Variants in USH2A observed in about 807,000 individuals in gnomAD.
USH2A encodes the protein usherin.
USH2A carries 443 observed loss-of-function variants against 538.9 expected under a neutral mutation model. The ratio of observed to expected loss-of-function variants is 0.82; its 90% confidence interval spans 0.76 to 0.89. The LOEUF (loss-of-function observed/expected upper bound fraction) is 0.89, where lower values mean the gene tolerates loss of function less well. Among genes scored for constraint, USH2A ranks in the 40% least tolerant of loss-of-function variants. USH2A has a pLI of 0.00. For synonymous variants in USH2A, 2,413 were observed against 2,273.5 expected (o/e 1.06, Z -1.75); for missense variants, 6,633 against 6,324.8 (o/e 1.05, Z -1.65).
chr1:216,154,309 G>C (rs2033897866), intron 21 of USH2A, among the ~76,000 whole-genome samples: 1 of 152,118 alleles, frequency 6.6e-6, no homozygotes, highest in African/African-American at 2.4e-5. Flanking sequence ...ATGACAAACA[G>C]TATATACCAA....
intron 3 of USH2A, among the ~76,000 whole-genome samples, chr1:216,384,364 A>T (rs955186004): frequency 6.6e-6 from 1 of 152,068 alleles, no homozygotes. Context: ...GTAAGGTAAG[A>T]TAAGTACGAG....
In USH2A at chr1:215,934,638, T is replaced by C; in HGVS notation, c.7278A>G (p.Ile2426Met). 1 of 1,612,354 alleles carries C rather than the reference T, an allele frequency of 6.2e-7. No individual in the cohort carries two copies. Among genetic ancestry groups the C allele is most frequent in the Non-Finnish European group, 8.5e-7 (1 of 1,178,810 alleles). Residue 2426 changes from isoleucine to methionine, a missense_variant, in exon 38 of 72, where the codon ATA becomes ATG. Physicochemically the swap from Ile to Met is conservative, Grantham distance 10. Coordinates refer to ENST00000307340, the MANE Select transcript of USH2A (RefSeq NM_206933.4). ...TACCTCCTGGAGGCATTGCAATTGTTATAGGATCAGTTATCAAGCTGCCTT... is the reference window on the plus strand; with the variant it reads ...TACCTCCTGGAGGCATTGCAATTGTCATAGGATCAGTTATCAAGCTGCCTT... Reference protein sequence around the residue: ...NSQGSLITDPITIAMPPGAPD... With the variant: ...NSQGSLITDPMTIAMPPGAPD...
chr1:216,141,155 G>A (rs182962397), intron 21 of USH2A, among the ~76,000 whole-genome samples: 4 of 152,254 alleles, frequency 2.6e-5, no homozygotes, highest in Admixed American at 2.6e-4. Flanking sequence ...AGTAAGACAT[G>A]GAGTATATTA....
At chr1:215,883,793 G>A (rs1336853490) in intron 41 of USH2A, among the ~76,000 whole-genome samples, 2 of 151,906 alleles carry the variant, frequency 1.3e-5, no homozygotes, top group African/African-American at 4.8e-5. Context: ...ATAACTCAAT[G>A]GCTTTAAAGT....
chr1:215,726,666 G>T (rs1304800224), intron 61 of USH2A, among the ~76,000 whole-genome samples: 1 of 151,968 alleles, frequency 6.6e-6, no homozygotes, highest in African/African-American at 2.4e-5. Flanking sequence ...CTGTTTATTT[G>T]TTCTTATTGA....
intron 51 of USH2A, among the ~76,000 whole-genome samples, chr1:215,787,637 C>A (rs1661839184): frequency 6.6e-6 from 1 of 152,068 alleles, no homozygotes; most frequent in Admixed American, 6.6e-5. Flanking sequence ...ACATAAGTAG[C>A]ATAATGTATT....
Position 215,653,225 on chromosome 1 carries a change from T to C in USH2A, c.14134-2424A>G, listed in dbSNP as rs537763098. Reference sequence around the variant, plus strand: ...TAGGTGGAGTTCTAGTTCCAAAATGTGATTTAATCCCTGGATTTTAAAAAC... The same window carrying C: ...TAGGTGGAGTTCTAGTTCCAAAATGCGATTTAATCCCTGGATTTTAAAAAC... On this transcript the variant is annotated intron_variant, in intron 64 of 71. Coordinates refer to ENST00000307340, the MANE Select transcript of USH2A (RefSeq NM_206933.4). Among the ~76,000 whole-genome samples, 5 of 152,312 alleles carry C rather than the reference T, an allele frequency of 3.3e-5. No individual in the cohort carries two copies. In the South Asian group the frequency reaches 6.2e-4, roughly 19 times the overall value.
intron 37 of USH2A, among the ~76,000 whole-genome samples, chr1:215,964,578 A>G (rs1161130471): frequency 2.0e-5 from 3 of 152,178 alleles, no homozygotes; most frequent in Non-Finnish European, 2.9e-5. Context: ...ACGATATTGC[A>G]TATTTGCTAC....
rs192487787 is a variant in USH2A, at chr1:215,723,606, T to C, written c.12066+4424A>G. On this transcript the variant is annotated intron_variant, in intron 61 of 71. Transcript: ENST00000307340. ...GAGTTTGTGGACTGAACTGCAATCC[T>C]ACAGTTGTGGGGATGGACTCTGTGC... 3.9e-5 allele frequency among the ~76,000 whole-genome samples: 6 copies of C among 152,358 alleles called. No homozygotes were observed. In the East Asian group the frequency reaches 5.8e-4, roughly 15 times the overall value.
At chr1:215,836,157 G>A (rs989047788) in intron 47 of USH2A, among the ~76,000 whole-genome samples, 9 of 151,920 alleles carry the variant, frequency 5.9e-5, no homozygotes, top group Admixed American at 5.9e-4. Context: ...GAGTCATGGG[G>A]ATGCCAGCAG....
rs115491080 is a variant in USH2A, at chr1:215,928,456, G to A, written c.7300+6160C>T. 9.8e-3 allele frequency among the ~76,000 whole-genome samples: 1,491 copies of A among 152,074 alleles called. 19 individuals are homozygous for A. The highest frequency in any genetic ancestry group is 0.035 in the African/African-American group (1,439 of 41,484). On this transcript the variant is annotated intron_variant, in intron 38 of 71. Coordinates refer to ENST00000307340, the MANE Select transcript of USH2A (RefSeq NM_206933.4). ...AATTTAAAAGAAAAATTATGTATCT[G>A]TAATACTTGCATGTATGTGTTTGTA...
At chr1:215,962,749 G>C (rs548932051) in intron 37 of USH2A, among the ~76,000 whole-genome samples, 7 of 151,886 alleles carry the variant, frequency 4.6e-5, no homozygotes, top group African/African-American at 1.7e-4. Flanking sequence ...TGCAGAACAG[G>C]CTTGGTACTT....
chr1:215,675,007 T>C lies in USH2A; in HGVS notation c.12904A>G (p.Arg4302Gly), dbSNP rs1437342089. The change falls in exon 63 of 72, where the codon AGG (arginine) becomes GGG (glycine). Residue 4302 changes from arginine to glycine, a missense_variant. By Grantham distance (125) the Arg-to-Gly change is moderately radical (BLOSUM62 -2). Transcript: ENST00000307340. ...NGIIQSYRLQ[R>G]NEMLYPFSFD... ...CTAAAAGGATAGAGCATTTCATTCC[T>C]TTGAAGCCTATAGGACTGGATAATA... is the stretch of plus-strand genomic sequence containing the variant. The C allele has an allele frequency of 1.2e-6, 2 of 1,614,090 alleles. No individual in the cohort carries two copies. The highest frequency in any genetic ancestry group is 1.7e-6 in the Non-Finnish European group (2 of 1,180,044).
intron 2 of USH2A, among the ~76,000 whole-genome samples, chr1:216,419,623 G>A (rs970859165): frequency 6.6e-6 from 1 of 151,962 alleles, no homozygotes; most frequent in Non-Finnish European, 1.5e-5. Flanking sequence ...TCATCCATCT[G>A]TACACTCCAT....
chr1:215,761,681 A>G (rs1485713771), intron 56 of USH2A, among the ~76,000 whole-genome samples: 2 of 152,206 alleles, frequency 1.3e-5, no homozygotes, highest in African/African-American at 4.8e-5. Context: ...AGGAGTTTAT[A>G]CTTCTGTCTA....
intron 32 of USH2A, among the ~76,000 whole-genome samples, chr1:216,045,964 T>G (rs1571913409): frequency 6.6e-6 from 1 of 151,436 alleles, no homozygotes; most frequent in East Asian, 1.9e-4. Flanking sequence ...GCAACCCAAT[T>G]TCAAAAACAC....
chr1:216,294,654 G>A (rs971478540), intron 9 of USH2A, among the ~76,000 whole-genome samples: 1 of 151,230 alleles, frequency 6.6e-6, no homozygotes, highest in African/African-American at 2.4e-5. Flanking sequence ...TGTTAAATAT[G>A]GTCAAATTCC....
intron 13 of USH2A, among the ~76,000 whole-genome samples, chr1:216,245,079 A>G (rs1013163152): frequency 6.6e-6 from 1 of 152,202 alleles, no homozygotes; most frequent in Non-Finnish European, 1.5e-5. Context: ...TCATCTTAGG[A>G]TATCAAAAAG....
intron 35 of USH2A, among the ~76,000 whole-genome samples, chr1:215,992,620 G>T (rs1367251815): frequency 1.3e-5 from 2 of 152,096 alleles, no homozygotes; most frequent in Non-Finnish European, 2.9e-5. Context: ...AATCAAAAGC[G>T]TTTTGACACA....
Sources: allele counts gnomAD v4.1 joint callset (sites outside exome capture counted in the v4.1 genomes callset), GRCh38; gene constraint gnomAD v4.1.1; transcripts MANE v1.5; gene names NCBI Gene and HGNC (gene_info 2026-07-23, HGNC 2026-07-21).